Variants in KDM4B observed in about 807,000 individuals in gnomAD.
KDM4B encodes lysine demethylase 4B, also known as lysine-specific demethylase 4B.
KDM4B carries 32 observed loss-of-function variants against 125.2 expected under a neutral mutation model. The observed-to-expected ratio is 0.26, with a 90% CI of 0.19 to 0.34. KDM4B has a LOEUF of 0.34. Among genes scored for constraint, KDM4B ranks in the 10% least tolerant of loss-of-function variants. KDM4B has a pLI of 1.00. For synonymous variants in KDM4B, 721 were observed against 677.9 expected (o/e 1.06, Z -0.99); for missense variants, 1,190 against 1,577.7 (o/e 0.75, Z 4.16).
At chr19:5,140,842 G>C (rs1228014599) in intron 18 of KDM4B, 1 of 152,226 alleles carries the variant, frequency 6.6e-6, no homozygotes, top group Admixed American at 6.5e-5. Context: ...TTGTCCCTGT[G>C]CACTCCGGCC....
chr19:5,040,704 C>G (rs1372817636), intron 4 of KDM4B, among the ~76,000 whole-genome samples: 3 of 152,164 alleles, frequency 2.0e-5, no homozygotes, highest in Non-Finnish European at 4.4e-5. Flanking sequence ...TGTCTGTGGC[C>G]TCCACCCTGT....
chr19:5,020,052 G>A (rs528806934), intron 2 of KDM4B, among the ~76,000 whole-genome samples: 26 of 145,188 alleles, frequency 1.8e-4, no homozygotes, highest in African/African-American at 5.1e-4. Flanking sequence ...TGCAGGTGTC[G>A]GTGTGGGTGT....
At position 5,035,341 on chromosome 19, in the gene KDM4B, T is replaced by G. The variant is rs2036583764; in HGVS notation, c.141+2310T>G. On this transcript the variant is annotated intron_variant, in intron 3 of 22. Coordinates refer to ENST00000159111, the MANE Select transcript of KDM4B (RefSeq NM_015015.3). The surrounding 1 kb of genome is among the most constrained non-coding windows in gnomAD (Gnocchi z 5.3). ...GCTTGGGATCCAAGGCGTCCTGATG[T>G]CAGGACGTTGAGGGGAATCAGCATC... Among the ~76,000 whole-genome samples the G allele has an allele frequency of 6.6e-6, 1 of 151,880 alleles. No homozygotes were observed. Among genetic ancestry groups the G allele is most frequent in the Admixed American group, 6.6e-5 (1 of 15,248 alleles).
chr19:5,138,898 T>C (rs930037635), intron 18 of KDM4B, among the ~76,000 whole-genome samples: 1 of 152,106 alleles, frequency 6.6e-6, no homozygotes, highest in Non-Finnish European at 1.5e-5. Context: ...GTGAGTGGGA[T>C]TGTACAGTCT....
intron 1 of KDM4B, among the ~76,000 whole-genome samples, chr19:4,986,686 C>G (rs1009779182): frequency 6.6e-6 from 1 of 152,242 alleles, no homozygotes; most frequent in African/African-American, 2.4e-5. Flanking sequence ...GAGGGCCTCT[C>G]CCAGCAGGTG....
In KDM4B at chr19:5,151,772, C is replaced by CT. The variant is rs2039953162; in HGVS notation, c.*263dup. 3 of 373,084 alleles carry CT rather than the reference C, an allele frequency of 8.0e-6. No individual in the cohort carries two copies. The East Asian group carries it at 1.2e-4, about 14-fold the overall frequency. 23.1% of individuals were successfully genotyped at this position (373,084 alleles called of 1,614,324 possible). A position where few individuals can be genotyped will look rare whatever the true frequency, so the allele number is the denominator to read the frequency against. ...CAGAATTTTAAACCATGTAAGCTCTCTTCTTCTCGAAAAGGTGCTACTGCA... is the reference window on the plus strand; with the variant it reads ...CAGAATTTTAAACCATGTAAGCTCTCTTTCTTCTCGAAAAGGTGCTACTGCA... On this transcript the variant is annotated 3_prime_UTR_variant, in exon 23 of 23. Coordinates refer to ENST00000159111, the MANE Select transcript of KDM4B (RefSeq NM_015015.3).
chr19:5,077,100 A>G (rs1473366621), intron 7 of KDM4B: 2 of 498,582 alleles, frequency 4.0e-6, no homozygotes, highest in Non-Finnish European at 7.2e-6. Context: ...TCACATGGTC[A>G]CTGCGCAGAG....
At position 5,079,383 on chromosome 19, in the gene KDM4B, C is replaced by T. The variant is rs147383211; in HGVS notation, c.780+1913C>T. Among the ~76,000 whole-genome samples the T allele has an allele frequency of 5.8e-4, 89 of 152,276 alleles. 1 individual carries two copies. In the East Asian group the frequency reaches 0.016, roughly 27 times the overall value. ...ACACCGTGAGTGTGGAACGAAGCCA[C>T]CAGGATGCAGGTTTTCTCGCAGGAA... On this transcript the variant is annotated intron_variant, in intron 8 of 22. Transcript: ENST00000159111.
intron 9 of KDM4B, among the ~76,000 whole-genome samples, chr19:5,091,715 G>T (rs2038708887): frequency 6.6e-6 from 1 of 151,856 alleles, no homozygotes; most frequent in Non-Finnish European, 1.5e-5. Flanking sequence ...AGCCCAGGGG[G>T]AGGGAGCCCA....
At chr19:5,040,100 A>G in intron 4 of KDM4B, 89 bp downstream of exon 4, 1 of 1,367,612 alleles carries the variant, frequency 7.3e-7, no homozygotes, top group Non-Finnish European at 9.9e-7. Flanking sequence ...GGTGCGGTAC[A>G]CGCAGCCCCC....
intron 9 of KDM4B, among the ~76,000 whole-genome samples, chr19:5,109,043 C>T (rs2039088511): frequency 1.3e-5 from 2 of 152,260 alleles, no homozygotes; most frequent in South Asian, 2.1e-4. Context: ...TGTCCCTGGC[C>T]TCTGTTTATT....
rs901472663 is a variant in KDM4B, at chr19:5,060,433, C to CAAAAAAAAAAAAAAAA, written c.627-10562_627-10547dup. On this transcript the variant is annotated intron_variant, in intron 6 of 22. Coordinates refer to ENST00000159111, the MANE Select transcript of KDM4B (RefSeq NM_015015.3). Reference sequence around the variant, plus strand: ...GGGTGACGGAGGAAGACTCTGTCTCCAAAAAAAAAAAAAAAAAAAAAAAAA... The same window carrying CAAAAAAAAAAAAAAAA: ...GGGTGACGGAGGAAGACTCTGTCTCCAAAAAAAAAAAAAAAAAAAAAAAAAAAAAAAAAAAAAAAAA... Among the ~76,000 whole-genome samples, 24 of 32,980 alleles carry CAAAAAAAAAAAAAAAA rather than the reference C, an allele frequency of 7.3e-4. 1 individual carries two copies. Among genetic ancestry groups the CAAAAAAAAAAAAAAAA allele is most frequent in the Admixed American group, 1.5e-3 (3 of 2,058 alleles). 21.6% of individuals were successfully genotyped at this position (32,980 alleles called of 152,430 possible).
intron 5 of KDM4B, 114 bp from the exon 6 acceptor site, chr19:5,047,362 G>A (rs573337719): frequency 5.4e-6 from 5 of 927,108 alleles, no homozygotes; most frequent in East Asian, 2.5e-5. Flanking sequence ...ATACTGGGGT[G>A]GAGGAGGATG....
Position 5,133,437 on chromosome 19 carries a change from G to A in KDM4B, c.1907-446G>A, listed in dbSNP as rs547597321. Among the ~76,000 whole-genome samples the A allele has an allele frequency of 2.6e-5, 4 of 152,298 alleles. No individual in the cohort carries two copies. The East Asian group carries it at 7.7e-4, about 29-fold the overall frequency. On this transcript the variant is annotated intron_variant, in intron 13 of 22. Transcript: ENST00000159111. ...AGGAAGGACAGTGTCTCTGAGTCTC[G>A]GCTGGTCACTGCCGACGCCCCCACT...
chr19:5,055,685 C>T (rs1268637769), intron 6 of KDM4B, among the ~76,000 whole-genome samples: 5 of 152,268 alleles, frequency 3.3e-5, no homozygotes, highest in Admixed American at 3.3e-4. Context: ...GGAGGACACC[C>T]CACAGCAGGT....
chr19:5,000,846 T>C (rs2035361444), intron 1 of KDM4B, among the ~76,000 whole-genome samples: 1 of 152,152 alleles, frequency 6.6e-6, no homozygotes, highest in Admixed American at 6.5e-5. Context: ...ATACGTGATG[T>C]AGTGTATAGA....
At chr19:5,019,643 TGTGGACGTTGGTGTGCAGGTGTTGGC>T (rs1420490640) in intron 2 of KDM4B, among the ~76,000 whole-genome samples, 4 of 147,538 alleles carry the variant, frequency 2.7e-5, no homozygotes, top group African/African-American at 1.0e-4. Context: ...CAGGTGTTTG[TGTGGACGTTGGTGTGCAGGTGTTGGC>T]GTGGATGTTG....
At chr19:4,992,163 G>C (rs1257198971) in intron 1 of KDM4B, among the ~76,000 whole-genome samples, 2 of 152,112 alleles carry the variant, frequency 1.3e-5, no homozygotes, top group Non-Finnish European at 1.5e-5. Flanking sequence ...GGCGGTTCCA[G>C]GAATCTGTGC....
intron 1 of KDM4B, among the ~76,000 whole-genome samples, chr19:5,004,115 C>T (rs1472599346): frequency 2.0e-5 from 3 of 152,140 alleles, no homozygotes; most frequent in Admixed American, 1.3e-4. Context: ...GCACTGGGGA[C>T]GGCTAGGGCG....
Sources: allele counts gnomAD v4.1 joint callset (sites outside exome capture counted in the v4.1 genomes callset), GRCh38; gene constraint gnomAD v4.1.1; non-coding constraint Gnocchi (gnomAD v3.1); transcripts MANE v1.5; gene names NCBI Gene and HGNC (gene_info 2026-07-23, HGNC 2026-07-21).